The following CPHXL2 variants were observed in gnomAD, a reference collection of about 807,000 sequenced individuals.
CPHXL2 encodes the protein cytoplasmic polyadenylated homeobox-like protein 2.
At chr16:75,669,783 A>G in the CPHXL2 span, among the ~76,000 whole-genome samples, 1 of 152,212 alleles carries the variant, frequency 6.6e-6, no homozygotes, top group African/African-American at 2.4e-5. Flanking sequence ...AGTTTTTTTG[A>G]AACACCAGTC....
chr16:75,667,915 T>G, the CPHXL2 span, among the ~76,000 whole-genome samples: 1 of 152,212 alleles, frequency 6.6e-6, no homozygotes, highest in Non-Finnish European at 1.5e-5. Flanking sequence ...CAAGTAACCT[T>G]TGAGTCCACC....
At chr16:75,675,255 C>T in the CPHXL2 span, among the ~76,000 whole-genome samples, 39 of 150,636 alleles carry the variant, frequency 2.6e-4, no homozygotes, top group Non-Finnish European at 4.3e-4. Context: ...CTTTTGACCT[C>T]GTGATCTGCC....
the CPHXL2 span, among the ~76,000 whole-genome samples, chr16:75,666,168 A>G: frequency 6.6e-6 from 1 of 152,246 alleles, no homozygotes; most frequent in Non-Finnish European, 1.5e-5. Flanking sequence ...AAGCAACAGC[A>G]GTTAGAAAAG....
chr16:75,662,702 C>T, the CPHXL2 span, among the ~76,000 whole-genome samples: 3 of 151,630 alleles, frequency 2.0e-5, no homozygotes, highest in Non-Finnish European at 4.4e-5. Context: ...GGATAATATG[C>T]AAATACCCAA....
the CPHXL2 span, among the ~76,000 whole-genome samples, chr16:75,672,768 C>G: frequency 2.0e-5 from 3 of 152,122 alleles, no homozygotes; most frequent in Admixed American, 6.6e-5. Flanking sequence ...GGGATACAGG[C>G]GTGAGCCACC....
the CPHXL2 span, among the ~76,000 whole-genome samples, chr16:75,661,842 C>A: frequency 6.6e-6 from 1 of 152,036 alleles, no homozygotes; most frequent in Non-Finnish European, 1.5e-5. Flanking sequence ...AACCATTTTT[C>A]CTCTGCTCTC....
the CPHXL2 span, among the ~76,000 whole-genome samples, chr16:75,663,547 C>G: frequency 6.6e-6 from 1 of 152,136 alleles, no homozygotes; most frequent in African/African-American, 2.4e-5. Context: ...ACCCTCCTTT[C>G]TTTTGGGATT....
chr16:75,661,557 A>G, the CPHXL2 span, among the ~76,000 whole-genome samples: 3 of 151,764 alleles, frequency 2.0e-5, no homozygotes, highest in African/African-American at 4.8e-5. Context: ...CCTATATGCA[A>G]TCTTCTCCTG....
At chr16:75,661,374 T>G in the CPHXL2 span, 1 of 396,910 alleles carries the variant, frequency 2.5e-6, no homozygotes, top group Non-Finnish European at 4.4e-6. Context: ...TGACTTGCCT[T>G]CAGACATTAA....
At chr16:75,674,798 C>T in the CPHXL2 span, among the ~76,000 whole-genome samples, 1 of 151,748 alleles carries the variant, frequency 6.6e-6, no homozygotes, top group African/African-American at 2.4e-5. Flanking sequence ...CAACCTCTGC[C>T]TCCTGGGTTC....
At chr16:75,669,214 G>C in the CPHXL2 span, 8 of 388,164 alleles carry the variant, frequency 2.1e-5, no homozygotes, top group Non-Finnish European at 3.6e-5. Flanking sequence ...AATGGGGAGC[G>C]CTGAGGTTGG....
At chr16:75,672,099 G>A in the CPHXL2 span, among the ~76,000 whole-genome samples, 2 of 148,348 alleles carry the variant, frequency 1.3e-5, no homozygotes, top group Non-Finnish European at 3.0e-5. Flanking sequence ...TGGTGAAACC[G>A]TCTCTACTAA....
chr16:75,668,185 T>A, the CPHXL2 span, among the ~76,000 whole-genome samples: 2 of 151,996 alleles, frequency 1.3e-5, no homozygotes, highest in East Asian at 3.9e-4. Context: ...TGAAATGCTA[T>A]ATACTGCTTA....
At chr16:75,667,547 T>C in the CPHXL2 span, among the ~76,000 whole-genome samples, 52 of 152,320 alleles carry the variant, frequency 3.4e-4, no homozygotes, top group African/African-American at 1.0e-3. Flanking sequence ...ATTTTTATAG[T>C]GATTAACAGG....
the CPHXL2 span, chr16:75,669,503 T>C: frequency 2.5e-6 from 1 of 399,792 alleles, no homozygotes; most frequent in Non-Finnish European, 4.4e-6. Context: ...TTTGTTTTTC[T>C]TTTTTTCTTT....
the CPHXL2 span, among the ~76,000 whole-genome samples, chr16:75,662,760 T>A: frequency 6.6e-6 from 1 of 151,610 alleles, no homozygotes; most frequent in Non-Finnish European, 1.5e-5. Context: ...GCTTTTTGTA[T>A]CCCAAGAAGC....
chr16:75,666,860 A>G, the CPHXL2 span, among the ~76,000 whole-genome samples: 1 of 152,174 alleles, frequency 6.6e-6, no homozygotes, highest in Admixed American at 6.5e-5. Context: ...ATTTAAGAAA[A>G]CTGAAATTAT....
chr16:75,675,112 C>A, the CPHXL2 span, among the ~76,000 whole-genome samples: 25 of 150,610 alleles, frequency 1.7e-4, no homozygotes, highest in African/African-American at 5.3e-4. Flanking sequence ...TCGCTTGAAC[C>A]CAGCAGGCAG....
chr16:75,674,011 A>G, the CPHXL2 span, among the ~76,000 whole-genome samples: 1 of 150,696 alleles, frequency 6.6e-6, no homozygotes, highest in Admixed American at 6.6e-5. Flanking sequence ...AAAAAAAGAT[A>G]AAAGAAAAGA....
Sources: gnomAD v4.1 joint callset for allele counts (sites outside exome capture counted in the v4.1 genomes callset) on GRCh38, gnomAD v4.1.1 for gene constraint, MANE v1.5 for transcripts, NCBI Gene and HGNC (gene_info 2026-07-23, HGNC 2026-07-21) for gene names.